The following AGL variants were observed in gnomAD, a reference collection of about 807,000 sequenced individuals.
The protein encoded by AGL is glycogen debranching enzyme.
AGL carries 128 observed loss-of-function variants against 199.3 expected under a neutral mutation model. The observed-to-expected ratio is 0.64, with a 90% CI of 0.56 to 0.74. AGL has a LOEUF of 0.74. AGL is among the 30% of genes least tolerant of loss of function. The pLI is 0.00. For synonymous variants in AGL, 584 were observed against 594.7 expected, an observed-to-expected ratio of 0.98 and a Z score of 0.26; for missense variants, 1,809 against 1,820.8, an observed-to-expected ratio of 0.99 and a Z score of 0.12.
In AGL at chr1:99,870,509, C is replaced by T; in HGVS notation, c.774C>T (p.Ser258=). ...TAGACAGAGCACTTTGGCGTTTCTC[C>T]TGTGATGTTGCAGAAGGGAAATACA... The part of the protein sequence containing the change: ...WVLDRALWRF[S]CDVAEGKYKE... Residue 258 remains serine (S), a synonymous_variant, in exon 6 of 34, where the codon TCC becomes TCT. Coordinates refer to ENST00000361915, the MANE Select transcript of AGL (RefSeq NM_000642.3). The T allele has an allele frequency of 6.2e-7, 1 of 1,613,966 alleles. No individual in the cohort carries two copies. Among genetic ancestry groups the T allele is most frequent in the Non-Finnish European group, 8.5e-7 (1 of 1,179,956 alleles).
intron 26 of AGL, among the ~76,000 whole-genome samples, chr1:99,901,075 A>C (rs1350055256): frequency 6.6e-6 from 1 of 152,096 alleles, no homozygotes; most frequent in Non-Finnish European, 1.5e-5. Flanking sequence ...TGTGTACATA[A>C]ATATGGCCAT....
At chr1:99,857,854 A>AGGGGGGGGGGGGT (rs1649691324) in intron 2 of AGL, among the ~76,000 whole-genome samples, 1 of 110,644 alleles carries the variant, frequency 9.0e-6, no homozygotes, top group Admixed American at 9.4e-5. Context: ...GGGAGGGGGG[A>AGGGGGGGGGGGGT]AGAGGGAGAG....
chr1:99,853,812 C>A (rs564562549), intron 2 of AGL, among the ~76,000 whole-genome samples: 2 of 152,254 alleles, frequency 1.3e-5, no homozygotes, highest in East Asian at 3.9e-4. Context: ...ATCTCTTGAG[C>A]CCAGGAGTTA....
At chr1:99,863,935 C>T (rs672069) in intron 4 of AGL, among the ~76,000 whole-genome samples, 112,993 of 151,922 alleles carry the variant, frequency 0.74, 42,837 homozygotes, top group African/African-American at 0.91. Context: ...AACCACTGCA[C>T]CTGATCTCAA....
intron 25 of AGL, among the ~76,000 whole-genome samples, chr1:99,898,101 C>T (rs1226271877): frequency 3.3e-5 from 5 of 149,692 alleles, no homozygotes; most frequent in Admixed American, 1.3e-4. Flanking sequence ...GGCTGGAGTG[C>T]AGTGGCGCAA....
At chr1:99,852,109 T>TTA (rs1649001180) in intron 2 of AGL, among the ~76,000 whole-genome samples, 1 of 152,138 alleles carries the variant, frequency 6.6e-6, no homozygotes, top group East Asian at 1.9e-4. Context: ...ACTTTTTAAT[T>TTA]AATTATGGGT....
At chr1:99,921,083 AT>A (rs1376801165) in intron 33 of AGL, among the ~76,000 whole-genome samples, 1 of 152,082 alleles carries the variant, frequency 6.6e-6, no homozygotes, top group Admixed American at 6.6e-5. Flanking sequence ...ATTAATTGGC[AT>A]TTTTTTCTTT....
Position 99,876,053 on chromosome 1 carries a change from T to C in AGL, c.1284-405T>C, listed in dbSNP as rs2814039. 6.4e-3 allele frequency among the ~76,000 whole-genome samples: 981 copies of C among 152,258 alleles called. 11 individuals carry two copies. Among genetic ancestry groups the C allele is most frequent in the African/African-American group, 0.023 (946 of 41,540 alleles). On this transcript the variant is annotated intron_variant, in intron 10 of 33. Coordinates refer to ENST00000361915, the MANE Select transcript of AGL (RefSeq NM_000642.3). ...CCATGCCCAGCTAATTTTTGTAGTTTTAGTAGAGACGGGGTTTCCCCATGT... is the reference window on the plus strand; with the variant it reads ...CCATGCCCAGCTAATTTTTGTAGTTCTAGTAGAGACGGGGTTTCCCCATGT...
Position 99,870,494 on chromosome 1 carries a change from A to G in AGL, c.759A>G (p.Ala253=), listed in dbSNP as rs769406880. 1.2e-6 allele frequency: 2 copies of G among 1,614,058 alleles called. No homozygotes were observed. The highest frequency in any genetic ancestry group is 1.7e-6 in the Non-Finnish European group (2 of 1,179,964). The stretch of plus-strand genomic sequence containing the variant: ...AACCTGCCTGGGTCTTAGACAGAGC[A>G]CTTTGGCGTTTCTCCTGTGATGTTG... ...HLKPAWVLDR[A]LWRFSCDVAE... The change falls in exon 6 of 34, where the codon GCA becomes GCG. Residue 253 remains alanine (A), a synonymous_variant. Coordinates refer to ENST00000361915, the MANE Select transcript of AGL (RefSeq NM_000642.3).
At chr1:99,904,578 A>G (rs57031476) in intron 27 of AGL, among the ~76,000 whole-genome samples, 1,616 of 152,168 alleles carry the variant, frequency 0.011, 31 homozygotes, top group African/African-American at 0.037. Flanking sequence ...CATCACCATA[A>G]AGATCTTTGT....
chr1:99,857,854 A>ACCGTGGGGAGGGGGTGGGGGGGGGGGGT (rs1649691324), intron 2 of AGL, among the ~76,000 whole-genome samples: 1 of 110,646 alleles, frequency 9.0e-6, no homozygotes, highest in Non-Finnish European at 1.9e-5. Flanking sequence ...GGGAGGGGGG[A>ACCGTGGGGAGGGGGTGGGGGGGGGGGGT]AGAGGGAGAG....
chr1:99,897,044 C>T (rs1167757424), intron 25 of AGL, among the ~76,000 whole-genome samples: 1 of 152,094 alleles, frequency 6.6e-6, no homozygotes, highest in Admixed American at 6.5e-5. Flanking sequence ...CTTGAACTCC[C>T]GACCTTGTGA....
chr1:99,862,857 G>A (rs1243491470), intron 4 of AGL, among the ~76,000 whole-genome samples: 2 of 152,034 alleles, frequency 1.3e-5, no homozygotes, highest in Non-Finnish European at 2.9e-5. Flanking sequence ...TTTGGGCAGG[G>A]ACACAAATCC....
At chr1:99,898,911 C>T (rs1307247555) in intron 25 of AGL, among the ~76,000 whole-genome samples, 1 of 152,066 alleles carries the variant, frequency 6.6e-6, no homozygotes, top group Non-Finnish European at 1.5e-5. Context: ...AATCAGAAGT[C>T]GTTTTATTAA....
intron 2 of AGL, among the ~76,000 whole-genome samples, chr1:99,860,985 A>G (rs1343627237): frequency 6.6e-6 from 1 of 152,196 alleles, no homozygotes; most frequent in East Asian, 1.9e-4. Flanking sequence ...TTCTGCCTCT[A>G]TAGAGGTTGA....
intron 2 of AGL, among the ~76,000 whole-genome samples, chr1:99,854,241 C>T (rs1169204289): frequency 6.6e-5 from 10 of 152,038 alleles, no homozygotes; most frequent in Admixed American, 5.9e-4. Flanking sequence ...TAGGGACAGC[C>T]TTACAAACTT....
At chr1:99,883,482 T>A (rs1570449466) in intron 17 of AGL, among the ~76,000 whole-genome samples, 1 of 152,146 alleles carries the variant, frequency 6.6e-6, no homozygotes. Context: ...AGTAGAATAT[T>A]ATTTGGCATT....
In AGL at chr1:99,915,475, T is replaced by C; in HGVS notation, c.4248T>C (p.Thr1416=). ...KKLLGPLGMK[T]LDPDDMVYCG... is the part of the protein sequence containing the mutation. Reference sequence around the variant, plus strand: ...TGCTTGGTCCCCTTGGCATGAAAACTTTAGATCCAGAGTAAGTTGGAATAT... The same window carrying C: ...TGCTTGGTCCCCTTGGCATGAAAACCTTAGATCCAGAGTAAGTTGGAATAT... The change falls in exon 31 of 34, where the codon ACT becomes ACC. Residue 1416 remains threonine, a synonymous_variant. Coordinates refer to ENST00000361915, the MANE Select transcript of AGL (RefSeq NM_000642.3). The C allele has an allele frequency of 6.2e-7, 1 of 1,608,064 alleles. No individual in the cohort carries two copies. Among genetic ancestry groups the C allele is most frequent in the Non-Finnish European group, 8.5e-7 (1 of 1,174,644 alleles).
intron 31 of AGL, among the ~76,000 whole-genome samples, chr1:99,915,977 G>T (rs970620271): frequency 2.2e-4 from 34 of 152,020 alleles, no homozygotes; most frequent in African/African-American, 8.0e-4. Context: ...ATAATTTTAT[G>T]GAGAAGCTTA....
Sources: gnomAD v4.1 joint callset for allele counts (sites outside exome capture counted in the v4.1 genomes callset) on GRCh38, gnomAD v4.1.1 for gene constraint, MANE v1.5 for transcripts, NCBI Gene and HGNC (gene_info 2026-07-23, HGNC 2026-07-21) for gene names.